CLK2: variants seen among roughly 807,000 people sequenced by gnomAD.
CLK2 encodes CDC like kinase 2.
Under a neutral mutation model 73.5 loss-of-function variants are expected in CLK2, and 12 were observed. The ratio of observed to expected loss-of-function variants is 0.16; its 90% CI spans 0.10 to 0.26. The LOEUF is 0.26. Ranked by LOEUF, CLK2 falls within the 10% of genes least tolerant of loss-of-function variation. The pLI is 1.00. For synonymous variants in CLK2, 232 were observed against 237.9 expected, an observed-to-expected ratio of 0.98 and a Z score of 0.23; for missense variants, 509 against 688.4, an observed-to-expected ratio of 0.74 and a Z score of 2.92.
chr1:155,266,707 C>T (rs1673249024), intron 7 of CLK2, 22 bp downstream of exon 7: 4 of 1,604,952 alleles, frequency 2.5e-6, no homozygotes, highest in Non-Finnish European at 3.4e-6. Context: ...CCCCAGAGTC[C>T]ACTTCGGCCC....
chr1:155,267,370 G>C (rs992977976), intron 6 of CLK2, among the ~76,000 whole-genome samples: 1 of 152,172 alleles, frequency 6.6e-6, no homozygotes, highest in Non-Finnish European at 1.5e-5. Flanking sequence ...GATTACAGGC[G>C]TGAGCCACCA....
Position 155,268,853 on chromosome 1 carries a change from A to AGGGGG in CLK2, c.400-59_400-58insCCCCC. The AGGGGG allele has an allele frequency of 1.4e-5, 3 of 211,362 alleles. No individual in the cohort carries two copies. The highest frequency in any genetic ancestry group is 1.0e-4 in the African/African-American group (1 of 9,670). The allele number at this position is 211,362 out of a possible 1,614,324, so 13.1% of individuals were successfully genotyped here. On this transcript the variant is annotated intron_variant, in intron 3 of 12. Transcript: ENST00000368361. This position sits in a 1 kb window ranked among gnomAD's most constrained non-coding sequence, Gnocchi z 5.6. ...AGGTGTCGGAGCGGGGGCCGGAGGGAGGCGGGGTGGGTGGTAGAGGGGTCA... is the reference window on the plus strand; with the variant it reads ...AGGTGTCGGAGCGGGGGCCGGAGGGAGGGGGGGCGGGGTGGGTGGTAGAGGGGTCA...
At position 155,268,856 on chromosome 1, in the gene CLK2, C is replaced by CCGGGGGGGGGGG; in HGVS notation, c.400-62_400-61insCCCCCCCCCCCG. On this transcript the variant is annotated intron_variant, in intron 3 of 12. Coordinates refer to ENST00000368361, the MANE Select transcript of CLK2 (RefSeq NM_001294338.2). This position sits in a 1 kb window ranked among gnomAD's most constrained non-coding sequence, Gnocchi z 5.6. The stretch of plus-strand genomic sequence containing the variant: ...TGTCGGAGCGGGGGCCGGAGGGAGG[C>CCGGGGGGGGGGG]GGGGTGGGTGGTAGAGGGGTCACCG... 5.2e-6 allele frequency: 1 copy of CCGGGGGGGGGGG among 193,822 alleles called. No homozygotes were observed. Among genetic ancestry groups the CCGGGGGGGGGGG allele is most frequent in the Admixed American group, 6.7e-5 (1 of 15,024 alleles). The allele number at this position is 193,822 out of a possible 1,614,324, so 12.0% of individuals were successfully genotyped here.
rs746358026 is a variant in CLK2, at chr1:155,268,320, C to T, written c.527G>A (p.Arg176Gln). 31 of 1,613,980 alleles carry T rather than the reference C, an allele frequency of 1.9e-5. No homozygotes were observed. The highest frequency in any genetic ancestry group is 2.5e-5 in the Non-Finnish European group (29 of 1,180,006). The change falls in exon 5 of 13, where the codon CGA (arginine) becomes CAA (glutamine). Residue 176 changes from arginine (R) to glutamine (Q), a missense_variant. Transcript: ENST00000368361. This position sits in a 1 kb window ranked among gnomAD's most constrained non-coding sequence, Gnocchi z 5.6. ...GCGATGGTCAACACATTGTACAACT[C>T]GGCCGAAGGTCCCCTCTCCTAAGGT... ...VSTLGEGTFG[R>Q]VVQCVDHRRG...
intron 11 of CLK2, 35 bp downstream of exon 11, chr1:155,264,186 G>A (rs1270291693): frequency 6.2e-7 from 1 of 1,610,252 alleles, no homozygotes; most frequent in South Asian, 1.1e-5. Context: ...GGAGAGAAAA[G>A]GAAAAGAGTT....
chr1:155,270,124 T>A (rs1216341061), intron 2 of CLK2, among the ~76,000 whole-genome samples: 1 of 151,228 alleles, frequency 6.6e-6, no homozygotes, highest in African/African-American at 2.4e-5. Flanking sequence ...CCCAGCACTT[T>A]GGGAGGCCAA....
intron 1 of CLK2, among the ~76,000 whole-genome samples, chr1:155,272,458 G>A (rs1356953572): frequency 1.3e-5 from 2 of 152,072 alleles, no homozygotes; most frequent in Middle Eastern, 3.2e-3. Context: ...AATCCAGGAA[G>A]ATGAGAATAG....
chr1:155,263,203 C>G lies in CLK2; in HGVS notation c.*15G>C, dbSNP rs779277228. ...CACTGCTATAAAAGATGCAGGGGGG[C>G]CCAGGGCCTGATCGTCACCGACTGA... On this transcript the variant is annotated 3_prime_UTR_variant, in exon 13 of 13. Coordinates refer to ENST00000368361, the MANE Select transcript of CLK2 (RefSeq NM_001294338.2). 1.9e-6 allele frequency: 3 copies of G among 1,607,218 alleles called. No individual in the cohort carries two copies. The highest frequency in any genetic ancestry group is 1.3e-5 in the African/African-American group (1 of 74,948).
intron 6 of CLK2, 100 bp from the exon 7 acceptor site, chr1:155,266,995 C>T: frequency 7.3e-7 from 1 of 1,373,108 alleles, no homozygotes; most frequent in Non-Finnish European, 1.0e-6. Flanking sequence ...ATTCCACATA[C>T]TTGTGTAAAA....
chr1:155,264,100 T>A, intron 11 of CLK2, 60 bp from the exon 12 acceptor site: 1 of 1,561,822 alleles, frequency 6.4e-7, no homozygotes, highest in Non-Finnish European at 8.8e-7. Flanking sequence ...TTCCCTTATT[T>A]CCCCATCTGA....
chr1:155,266,658 T>C (rs1196553086), intron 7 of CLK2, 71 bp downstream of exon 7: 2 of 1,524,942 alleles, frequency 1.3e-6, no homozygotes, highest in East Asian at 2.3e-5. Flanking sequence ...GCTTCACCAG[T>C]GCACAACCGA....
chr1:155,264,811 C>T (rs1473720280), intron 8 of CLK2, 37 bp from the exon 9 acceptor site: 1 of 1,608,728 alleles, frequency 6.2e-7, no homozygotes, highest in Non-Finnish European at 8.5e-7. Flanking sequence ...ACCTCTGCAC[C>T]CAGACTGAGA....
At position 155,268,644 on chromosome 1, in the gene CLK2, T is replaced by C. The variant is rs2148140541; in HGVS notation, c.487+64A>G. Reference sequence around the variant, plus strand: ...GCAAGAGGCTGTGACTCAGGTTGGCTTGGGACGTTAGGATGGCTATGGGAC... The same window carrying C: ...GCAAGAGGCTGTGACTCAGGTTGGCCTGGGACGTTAGGATGGCTATGGGAC... On this transcript the variant is annotated intron_variant, in intron 4 of 12. Transcript: ENST00000368361. The surrounding 1 kb of genome is among the most constrained non-coding windows in gnomAD (Gnocchi z 5.6). 3.4e-6 allele frequency: 5 copies of C among 1,471,564 alleles called. No individual in the cohort carries two copies. In the South Asian group the frequency reaches 5.7e-5, roughly 17 times the overall value. 91.2% of individuals were successfully genotyped at this position (1,471,564 alleles called of 1,614,324 possible).
Position 155,268,118 on chromosome 1 carries a change from G to A in CLK2, c.563C>T (p.Ala188Val), listed in dbSNP as rs749403911. 6.2e-7 allele frequency: 1 copy of A among 1,613,952 alleles called. No individual in the cohort carries two copies. The highest frequency in any genetic ancestry group is 8.5e-7 in the Non-Finnish European group (1 of 1,179,834). Residue 188 changes from alanine (A) to valine (V), a missense_variant, in exon 6 of 13, where the codon GCT becomes GTT. Around this residue, in one of 6 missense-constraint regions of CLK2, gnomAD observed 76 missense variants for 126.4 expected, o/e 0.60. Transcript: ENST00000368361. This position sits in a 1 kb window ranked among gnomAD's most constrained non-coding sequence, Gnocchi z 5.6. ...CTTAATGATCTTCAGGGCAACTCGA[G>A]CCCCACCCCTGTAAGTTGGCAGGAG... ...VQCVDHRRGG[A>V]RVALKIIKNV...
chr1:155,268,451 G>A lies in CLK2; in HGVS notation c.488-92C>T, dbSNP rs1673335100. 18 of 1,040,908 alleles carry A rather than the reference G, an allele frequency of 1.7e-5. No individual in the cohort carries two copies. The highest frequency in any genetic ancestry group is 2.7e-5 in the Non-Finnish European group (18 of 668,074). 64.5% of individuals were successfully genotyped at this position (1,040,908 alleles called of 1,614,324 possible). A position where few individuals can be genotyped will look rare whatever the true frequency, so the allele number is the denominator to read the frequency against. On this transcript the variant is annotated intron_variant, in intron 4 of 12. Transcript: ENST00000368361. This position sits in a 1 kb window ranked among gnomAD's most constrained non-coding sequence, Gnocchi z 5.6. ...AGAAAAAAGGGGACAGCAACCTGGGGTGGAGATGAAGGAAGGGGAACAGAT... is the reference window on the plus strand; with the variant it reads ...AGAAAAAAGGGGACAGCAACCTGGGATGGAGATGAAGGAAGGGGAACAGAT...
At chr1:155,266,964 G>A (rs1673260936) in intron 6 of CLK2, 69 bp from the exon 7 acceptor site, 1 of 1,547,220 alleles carries the variant, frequency 6.5e-7, no homozygotes, top group South Asian at 1.2e-5. Context: ...CATCCAACAA[G>A]GAGGTACTTC....
chr1:155,272,782 T>A (rs1673571155), intron 1 of CLK2, among the ~76,000 whole-genome samples: 1 of 152,196 alleles, frequency 6.6e-6, no homozygotes, highest in African/African-American at 2.4e-5. Context: ...ATCACTAGCC[T>A]ACCTTTCTCA....
intron 1 of CLK2, among the ~76,000 whole-genome samples, chr1:155,271,357 C>A (rs1463944652): frequency 6.6e-6 from 1 of 152,218 alleles, no homozygotes; most frequent in African/African-American, 2.4e-5. Flanking sequence ...TCCTGTGTAG[C>A]TGGGATTACA....
intron 1 of CLK2, among the ~76,000 whole-genome samples, chr1:155,272,561 T>G (rs1210578535): frequency 1.3e-5 from 2 of 152,156 alleles, no homozygotes; most frequent in Non-Finnish European, 2.9e-5. Context: ...GATTCCGATG[T>G]CTGACCACCA....
Sources: gnomAD v4.1 joint callset for allele counts (sites outside exome capture counted in the v4.1 genomes callset) on GRCh38, gnomAD v4.1.1 for gene constraint, gnomAD v4.1.1 regional missense constraint, Gnocchi (gnomAD v3.1) non-coding constraint, MANE v1.5 for transcripts, NCBI Gene and HGNC (gene_info 2026-07-23, HGNC 2026-07-21) for gene names.